PDE11A: variants seen among roughly 807,000 people sequenced by gnomAD.
PDE11A encodes dual 3',5'-cyclic-AMP and -GMP phosphodiesterase 11A.
PDE11A carries 100 observed loss-of-function variants against 100.5 expected under a neutral mutation model. The observed-to-expected ratio is 1.00, with a 90% CI of 0.85 to 1.18. The LOEUF (loss-of-function observed/expected upper bound fraction) is 1.18, where lower values mean the gene tolerates loss of function less well. PDE11A is among the 50% of genes most tolerant of loss of function. PDE11A has a pLI of 0.00. For synonymous variants in PDE11A, 381 were observed against 420.8 expected, an observed-to-expected ratio of 0.91 and a Z score of 1.16; for missense variants, 1,141 against 1,152.6, an observed-to-expected ratio of 0.99 and a Z score of 0.15.
At chr2:178,095,398 T>C (rs1465185101) in intron 2 of PDE11A, among the ~76,000 whole-genome samples, 1 of 152,222 alleles carries the variant, frequency 6.6e-6, no homozygotes, top group African/African-American at 2.4e-5. Flanking sequence ...GTCTCACATC[T>C]GGGTCACGCT....
intron 2 of PDE11A, among the ~76,000 whole-genome samples, chr2:177,972,645 A>C (rs1340352386): frequency 6.6e-6 from 1 of 152,164 alleles, no homozygotes; most frequent in African/African-American, 2.4e-5. Flanking sequence ...TGAAAGAAAA[A>C]AAAGCTATAA....
At chr2:177,934,816 G>A (rs1481751807) in intron 2 of PDE11A, among the ~76,000 whole-genome samples, 1 of 152,208 alleles carries the variant, frequency 6.6e-6, no homozygotes, top group African/African-American at 2.4e-5. Context: ...AAAAGAGGGT[G>A]AGGGCATGTC....
At chr2:177,774,829 T>A (rs1258623382) in intron 9 of PDE11A, among the ~76,000 whole-genome samples, 1 of 152,200 alleles carries the variant, frequency 6.6e-6, no homozygotes, top group Non-Finnish European at 1.5e-5. Flanking sequence ...AAGATGTCCA[T>A]GTCCTAATCA....
intron 11 of PDE11A, 115 bp downstream of exon 11, chr2:177,727,911 G>GCC (rs1024469415): frequency 7.8e-6 from 8 of 1,022,854 alleles, no homozygotes; most frequent in African/African-American, 1.6e-5. Flanking sequence ...AATCCCATGA[G>GCC]GTGTGCAGGG....
At chr2:177,729,424 C>G (rs182371720) in intron 10 of PDE11A, among the ~76,000 whole-genome samples, 156 of 152,234 alleles carry the variant, frequency 1.0e-3, no homozygotes, top group African/African-American at 3.8e-3. Flanking sequence ...TGTGGGGATG[C>G]CTTTCTCTCT....
At chr2:177,818,991 A>T (rs1229838529) in intron 7 of PDE11A, among the ~76,000 whole-genome samples, 2 of 152,082 alleles carry the variant, frequency 1.3e-5, no homozygotes, top group Non-Finnish European at 2.9e-5. Context: ...AACTATTAGC[A>T]TGTAACCAGG....
intron 14 of PDE11A, among the ~76,000 whole-genome samples, chr2:177,700,320 AATG>A (rs1176836751): frequency 6.6e-6 from 1 of 151,812 alleles, no homozygotes; most frequent in Non-Finnish European, 1.5e-5. Flanking sequence ...GCAGGGCCTT[AATG>A]ATGATAATAA....
chr2:177,934,119 C>CA (rs952570215), intron 2 of PDE11A, among the ~76,000 whole-genome samples: 5 of 151,710 alleles, frequency 3.3e-5, no homozygotes, highest in South Asian at 4.2e-4. Flanking sequence ...ATAACAACAA[C>CA]AAAAAAAATT....
intron 6 of PDE11A, among the ~76,000 whole-genome samples, chr2:177,833,478 G>A (rs2083342811): frequency 6.6e-6 from 1 of 152,170 alleles, no homozygotes; most frequent in South Asian, 2.1e-4. Context: ...CTCCCCAAGA[G>A]GATGCTAAAG....
At chr2:177,743,046 C>A (rs139160297) in intron 10 of PDE11A, among the ~76,000 whole-genome samples, 24 of 152,312 alleles carry the variant, frequency 1.6e-4, no homozygotes, top group African/African-American at 5.5e-4. Context: ...TTTCTGAATT[C>A]GCCTCCTGCT....
At chr2:177,832,721 T>C (rs1157586258) in intron 6 of PDE11A, among the ~76,000 whole-genome samples, 3 of 152,088 alleles carry the variant, frequency 2.0e-5, no homozygotes, top group African/African-American at 7.2e-5. Flanking sequence ...GTTTAACTGG[T>C]ATATGACCTT....
At chr2:177,993,892 T>C (rs1225309046) in intron 2 of PDE11A, among the ~76,000 whole-genome samples, 1 of 151,774 alleles carries the variant, frequency 6.6e-6, no homozygotes, top group Non-Finnish European at 1.5e-5. Context: ...TTATATGAGT[T>C]AATATATATG....
chr2:177,928,456 C>T (rs964183649), intron 2 of PDE11A, among the ~76,000 whole-genome samples: 2 of 152,188 alleles, frequency 1.3e-5, no homozygotes, highest in Non-Finnish European at 2.9e-5. Context: ...TATGGTCTTG[C>T]CACTGCCTTC....
intron 2 of PDE11A, among the ~76,000 whole-genome samples, chr2:177,968,482 C>G (rs1209815041): frequency 2.0e-5 from 3 of 152,122 alleles, no homozygotes; most frequent in African/African-American, 7.2e-5. Flanking sequence ...TTCTGATGTT[C>G]TTCTAAGTGA....
At chr2:177,663,791 G>A (rs2080524199) in intron 19 of PDE11A, 75 bp downstream of exon 19, 3 of 864,826 alleles carry the variant, frequency 3.5e-6, no homozygotes, top group Non-Finnish European at 6.0e-6. Context: ...CTCCTCAAAT[G>A]AGTGCTTTTG....
chr2:177,694,626 G>C (rs2081084014), intron 15 of PDE11A, among the ~76,000 whole-genome samples: 1 of 152,192 alleles, frequency 6.6e-6, no homozygotes, highest in African/African-American at 2.4e-5. Context: ...CAGCTAATTA[G>C]TGGCAGAGCT....
chr2:178,103,250 A>G (rs1038268287), intron 2 of PDE11A, among the ~76,000 whole-genome samples: 6 of 152,158 alleles, frequency 3.9e-5, no homozygotes, highest in East Asian at 1.9e-4. Context: ...CATTATGCTA[A>G]GTGAAAGAAG....
chr2:178,082,612 G>A (rs2087301376), intron 2 of PDE11A, among the ~76,000 whole-genome samples: 1 of 152,184 alleles, frequency 6.6e-6, no homozygotes, highest in Admixed American at 6.5e-5. Context: ...TATAGGAGGA[G>A]TCATGAATAT....
At position 177,853,924 on chromosome 2, in the gene PDE11A, G is replaced by A. The variant is rs1054456180; in HGVS notation, c.1368-13541C>T. On this transcript the variant is annotated intron_variant, in intron 5 of 19. Transcript: ENST00000286063. ...TATATGTATATATGTGCATATATAT[G>A]TATATATATGTGTGTATATATATCT... 9.0e-5 allele frequency among the ~76,000 whole-genome samples: 13 copies of A among 143,658 alleles called. No individual in the cohort carries two copies. In the East Asian group the frequency reaches 1.2e-3, roughly 13 times the overall value. 94.2% of individuals were successfully genotyped at this position (143,658 alleles called of 152,430 possible).
Sources: gnomAD v4.1 joint callset for allele counts (sites outside exome capture counted in the v4.1 genomes callset) on GRCh38, gnomAD v4.1.1 for gene constraint, MANE v1.5 for transcripts, NCBI Gene and HGNC (gene_info 2026-07-23, HGNC 2026-07-21) for gene names.